Variants in SLC9A9 observed in about 807,000 individuals in gnomAD.
The protein encoded by SLC9A9 is solute carrier family 9 member A9, also known as sodium/hydrogen exchanger 9.
A neutral mutation model predicts 77.8 loss-of-function variants in SLC9A9; 62 were observed. That is an observed-to-expected ratio of 0.80 (90% CI 0.65 to 0.98). SLC9A9 has a LOEUF of 0.98. SLC9A9 is among the 50% of genes least tolerant of loss of function. SLC9A9 has a pLI of 0.00. For missense variants in SLC9A9, 775 were observed against 774.9 expected (o/e 1.00, Z 0.00); for synonymous variants, 320 against 283.5 (o/e 1.13, Z -1.29).
intron 6 of SLC9A9, among the ~76,000 whole-genome samples, chr3:143,585,359 TA>T (rs1263265781): frequency 2.0e-5 from 3 of 152,190 alleles, no homozygotes; most frequent in Non-Finnish European, 1.5e-5. Context: ...TGAGCCAGAC[TA>T]AATTGTATAT....
chr3:143,810,238 CA>C (rs1421287246), intron 2 of SLC9A9, among the ~76,000 whole-genome samples: 1 of 152,072 alleles, frequency 6.6e-6, no homozygotes, highest in Non-Finnish European at 1.5e-5. Context: ...GGATATGTAC[CA>C]AGTTAATTTC....
intron 14 of SLC9A9, among the ~76,000 whole-genome samples, chr3:143,322,337 A>G (rs1288073089): frequency 6.6e-6 from 1 of 152,126 alleles, no homozygotes; most frequent in Non-Finnish European, 1.5e-5. Flanking sequence ...AGAGTCTTCA[A>G]TCTCTCTGGC....
rs1024375426 is a variant in SLC9A9 at position 143,476,668 on chromosome 3, C to G, written c.1316-9478G>C. Among the ~76,000 whole-genome samples the G allele has an allele frequency of 5.9e-5, 9 of 152,346 alleles. No individual in the cohort carries two copies. In the East Asian group the frequency reaches 9.6e-4, roughly 16 times the overall value. ...TCAACATTCTGGGAGTAGTACCCAA[C>G]TTATGGGCAGCTTGTGTTCCAAAGA... On this transcript the variant is annotated intron_variant, in intron 11 of 15. Transcript: ENST00000316549.
Position 143,345,677 on chromosome 3 carries a change from G to T in SLC9A9, c.1604+17807C>A, listed in dbSNP as rs145540086. On this transcript the variant is annotated intron_variant, in intron 14 of 15. Transcript: ENST00000316549. ...AAGTTGTTGATCAATAATAGATAAG[G>T]GAACCAGTCTCTGCAGGTGTGTAAA... 1.3e-3 allele frequency among the ~76,000 whole-genome samples: 203 copies of T among 152,274 alleles called. 1 individual carries two copies. The highest frequency in any genetic ancestry group is 1.6e-3 in the Admixed American group (25 of 15,302).
chr3:143,518,352 TTTG>T, intron 9 of SLC9A9: 1 of 633,740 alleles, frequency 1.6e-6, no homozygotes, highest in Non-Finnish European at 2.8e-6. Flanking sequence ...TGTAATATTA[TTTG>T]TTATCTATTG....
intron 2 of SLC9A9, among the ~76,000 whole-genome samples, chr3:143,808,842 G>A (rs929917147): frequency 6.6e-6 from 1 of 151,976 alleles, no homozygotes; most frequent in East Asian, 1.9e-4. Flanking sequence ...AGCCCTCAAA[G>A]CATTGCCTGA....
intron 12 of SLC9A9, among the ~76,000 whole-genome samples, chr3:143,420,510 A>G (rs1039275623): frequency 5.9e-5 from 9 of 152,334 alleles, no homozygotes; most frequent in South Asian, 2.1e-4. Flanking sequence ...CACAATTGCT[A>G]TCTTTTGAAG....
At chr3:143,580,395 C>T (rs187576552) in intron 6 of SLC9A9, among the ~76,000 whole-genome samples, 39 of 152,300 alleles carry the variant, frequency 2.6e-4, no homozygotes, top group African/African-American at 6.7e-4. Flanking sequence ...AGAACAAGCA[C>T]GGCTTTATCC....
chr3:143,617,472 G>A (rs1017712426), intron 6 of SLC9A9, among the ~76,000 whole-genome samples: 2 of 152,204 alleles, frequency 1.3e-5, no homozygotes, highest in Non-Finnish European at 2.9e-5. Context: ...CTGGTGGCCC[G>A]TGGGCTTCAT....
intron 12 of SLC9A9, among the ~76,000 whole-genome samples, chr3:143,395,208 G>A (rs1015003341): frequency 2.6e-5 from 4 of 152,130 alleles, no homozygotes; most frequent in African/African-American, 9.7e-5. Flanking sequence ...ATACTATAAG[G>A]CTACAGTAAC....
At chr3:143,623,103 G>T (rs1439206621) in intron 6 of SLC9A9, among the ~76,000 whole-genome samples, 1 of 152,176 alleles carries the variant, frequency 6.6e-6, no homozygotes, top group Non-Finnish European at 1.5e-5. Context: ...GGAGCACCCA[G>T]ATTCATAAAG....
intron 8 of SLC9A9, among the ~76,000 whole-genome samples, chr3:143,554,028 T>C (rs1019102758): frequency 2.6e-5 from 4 of 152,196 alleles, no homozygotes; most frequent in Admixed American, 6.5e-5. Context: ...CCTATGTCTG[T>C]CTAGTGTGTA....
intron 4 of SLC9A9, among the ~76,000 whole-genome samples, chr3:143,768,147 G>A (rs1410102961): frequency 6.6e-6 from 1 of 152,024 alleles, no homozygotes. Context: ...CTCACTGACT[G>A]ACTGCCAGAC....
chr3:143,478,871 A>C (rs946299222), intron 11 of SLC9A9, among the ~76,000 whole-genome samples: 1 of 152,234 alleles, frequency 6.6e-6, no homozygotes, highest in African/African-American at 2.4e-5. Flanking sequence ...AATACAGGGA[A>C]AATAATGTAG....
At chr3:143,633,635 A>G (rs766818325) in intron 6 of SLC9A9, among the ~76,000 whole-genome samples, 6 of 152,214 alleles carry the variant, frequency 3.9e-5, no homozygotes, top group Non-Finnish European at 8.8e-5. Flanking sequence ...GTAGATTGCT[A>G]GAAGTACCTT....
chr3:143,558,319 C>T lies in SLC9A9; in HGVS notation c.1001-5869G>A, dbSNP rs542824754. Among the ~76,000 whole-genome samples the T allele has an allele frequency of 5.1e-4, 77 of 152,278 alleles. 3 individuals carry two copies. In the South Asian group the frequency reaches 0.015, roughly 30 times the overall value. The stretch of plus-strand genomic sequence containing the variant: ...GGAACCCACACAGTCTCCACTAGGG[C>T]ACTGCCTAGTGGAGCTGTAGGAAGA... On this transcript the variant is annotated intron_variant, in intron 8 of 15. Transcript: ENST00000316549.
In SLC9A9 at chr3:143,485,937, C is replaced by T. The variant is rs572231702; in HGVS notation, c.1315+7716G>A. ...AAGAGAGAGACATGAATATAAACAC[C>T]CAAGAAGCTTCATGAACTCCAAGTA... On this transcript the variant is annotated intron_variant, in intron 11 of 15. Transcript: ENST00000316549. 2.0e-5 allele frequency among the ~76,000 whole-genome samples: 3 copies of T among 151,124 alleles called. No homozygotes were observed. In the South Asian group the frequency reaches 6.3e-4, roughly 32 times the overall value.
chr3:143,286,044 A>G (rs1263847535), intron 14 of SLC9A9, among the ~76,000 whole-genome samples: 5 of 152,186 alleles, frequency 3.3e-5, no homozygotes, highest in Admixed American at 6.5e-5. Context: ...GGTTAGTAAT[A>G]TGCCCAGAGC....
In SLC9A9 at chr3:143,268,988, G is replaced by T; in HGVS notation, c.1605-8C>A. On this transcript the variant is annotated splice_polypyrimidine_tract_variant and splice_region_variant and intron_variant, in intron 14 of 15. Transcript: ENST00000316549. ...AAAATTGGTTTCAGATACCTGGGAG[G>T]CCTGTTAAGGAATACTTGTCAACAG... is the stretch of plus-strand genomic sequence containing the variant. 1 of 1,587,620 alleles carries T rather than the reference G, an allele frequency of 6.3e-7. No homozygotes were observed. The highest frequency in any genetic ancestry group is 8.6e-7 in the Non-Finnish European group (1 of 1,156,124).
Sources: allele counts gnomAD v4.1 joint callset (sites outside exome capture counted in the v4.1 genomes callset), GRCh38; gene constraint gnomAD v4.1.1; transcripts MANE v1.5; gene names NCBI Gene and HGNC (gene_info 2026-07-23, HGNC 2026-07-21).